Variants in RALY observed in about 807,000 individuals in gnomAD.
The protein encoded by RALY is RALY heterogeneous nuclear ribonucleoprotein, also known as RNA-binding protein Raly.
A neutral mutation model predicts 30.7 loss-of-function variants in RALY; 15 were observed. The observed-to-expected ratio is 0.49, with a 90% confidence interval of 0.33 to 0.75. The LOEUF is 0.75. Among genes scored for constraint, RALY ranks in the 30% least tolerant of loss-of-function variants. RALY has a pLI of 0.02. For synonymous variants in RALY, 177 were observed against 170.8 expected (o/e 1.04, Z -0.28); for missense variants, 339 against 414.3 (o/e 0.82, Z 1.58).
chr20:34,049,970 T>C (rs981126403), intron 2 of RALY, among the ~76,000 whole-genome samples: 1 of 152,298 alleles, frequency 6.6e-6, no homozygotes, highest in Middle Eastern at 3.4e-3. Flanking sequence ...CTAAGCTGAC[T>C]GGGGAGAAAG....
chr20:34,077,065 C>T lies in RALY; in HGVS notation c.696C>T (p.Gly232=), dbSNP rs1300909227. 15 of 1,604,056 alleles carry T rather than the reference C, an allele frequency of 9.4e-6. No homozygotes were observed. Among genetic ancestry groups the T allele is most frequent in the Admixed American group, 5.1e-5 (3 of 58,620 alleles). ...KKKGDGGGAG[G]GGGGGGSGGG... ...AGGGTGATGGAGGTGGCGCCGGCGG[C>T]GGCGGCGGTGGTGGTGGCAGCGGTG... is the stretch of plus-strand genomic sequence containing the variant. The change falls in exon 8 of 10, where the codon GGC becomes GGT. Residue 232 remains glycine, a synonymous_variant. Transcript: ENST00000246194.
intron 1 of RALY, among the ~76,000 whole-genome samples, chr20:34,002,058 C>T (rs1330792717): frequency 1.3e-5 from 2 of 152,198 alleles, no homozygotes; most frequent in East Asian, 1.9e-4. Context: ...TGAGCAGCCG[C>T]GCCTGACCAC....
chr20:34,069,447 A>G (rs1601503089), intron 2 of RALY, among the ~76,000 whole-genome samples: 1 of 151,860 alleles, frequency 6.6e-6, no homozygotes, highest in South Asian at 2.1e-4. Context: ...AGTAGAGGTC[A>G]CTCTTTGTAT....
intron 1 of RALY, chr20:34,016,671 T>C (rs1177399750): frequency 2.0e-5 from 3 of 152,272 alleles, no homozygotes; most frequent in Non-Finnish European, 4.4e-5. Context: ...ATCAGCTTTC[T>C]CCACTGAAAT....
intron 1 of RALY, among the ~76,000 whole-genome samples, chr20:33,999,805 A>C (rs1215923918): frequency 1.3e-5 from 2 of 151,828 alleles, no homozygotes; most frequent in Non-Finnish European, 2.9e-5. Flanking sequence ...GGTTTCTATT[A>C]GGGATAGGAG....
At chr20:34,015,620 T>A (rs1601415706) in intron 1 of RALY, among the ~76,000 whole-genome samples, 1 of 151,392 alleles carries the variant, frequency 6.6e-6, no homozygotes, top group African/African-American at 2.4e-5. Context: ...GTGCTGGGGG[T>A]GTCATTATCA....
chr20:34,043,767 CT>C (rs1040698556), intron 2 of RALY, among the ~76,000 whole-genome samples: 2 of 152,128 alleles, frequency 1.3e-5, no homozygotes, highest in African/African-American at 4.8e-5. Context: ...TTTGATAAAA[CT>C]TTGTGCTCGG....
intron 1 of RALY, among the ~76,000 whole-genome samples, chr20:34,004,961 G>A (rs2031093781): frequency 6.6e-6 from 1 of 152,180 alleles, no homozygotes; most frequent in Non-Finnish European, 1.5e-5. Flanking sequence ...CATTGATCAT[G>A]TCTTAGAGCC....
intron 2 of RALY, among the ~76,000 whole-genome samples, chr20:34,057,589 C>T (rs908762649): frequency 6.0e-5 from 9 of 150,114 alleles, no homozygotes; most frequent in African/African-American, 2.2e-4. Flanking sequence ...ATGGCATGAA[C>T]CTGGGAGGCG....
At chr20:34,025,523 C>G (rs767076501) in intron 1 of RALY, among the ~76,000 whole-genome samples, 1 of 151,936 alleles carries the variant, frequency 6.6e-6, no homozygotes, top group South Asian at 2.1e-4. Flanking sequence ...AGGCTGGTGT[C>G]GAACTCCTGA....
At chr20:34,032,470 G>A (rs2032320543) in intron 2 of RALY, among the ~76,000 whole-genome samples, 1 of 151,780 alleles carries the variant, frequency 6.6e-6, no homozygotes, top group Non-Finnish European at 1.5e-5. Flanking sequence ...AACTTACTAT[G>A]TTACTGATCT....
At chr20:34,017,515 G>A (rs1271188286) in intron 1 of RALY, 2 of 152,318 alleles carry the variant, frequency 1.3e-5, no homozygotes, top group Non-Finnish European at 2.9e-5. Context: ...GGTAAGGCAG[G>A]TGCAGGGGGT....
intron 1 of RALY, among the ~76,000 whole-genome samples, chr20:34,027,087 G>A (rs537592242): frequency 3.3e-5 from 5 of 152,130 alleles, no homozygotes; most frequent in African/African-American, 4.8e-5. Flanking sequence ...AGAAGACATA[G>A]CAGCAGTGAG....
intron 6 of RALY, 82 bp downstream of exon 6, chr20:34,076,122 C>A: frequency 6.8e-7 from 1 of 1,477,112 alleles, no homozygotes; most frequent in South Asian, 1.3e-5. Context: ...TACATTGGAA[C>A]ATAGATAAAA....
At chr20:34,022,092 T>A (rs1242906451) in intron 1 of RALY, among the ~76,000 whole-genome samples, 6 of 148,728 alleles carry the variant, frequency 4.0e-5, no homozygotes, top group Non-Finnish European at 7.4e-5. Flanking sequence ...CTTTCTTTCT[T>A]TCTTTTTTTT....
Position 34,075,979 on chromosome 20 carries a change from C to T in RALY, c.483C>T (p.Asn161=), listed in dbSNP as rs141301283. 16 of 1,614,136 alleles carry T rather than the reference C, an allele frequency of 9.9e-6. No individual in the cohort carries two copies. The highest frequency in any genetic ancestry group is 1.6e-4 in the Middle Eastern group (1 of 6,084). ...CTTTGGTCCGGCGTGTCAAAACTAA[C>T]GTACCTGTCAAGCTCTTTGCCCGCT... ...TVPLVRRVKT[N]VPVKLFARST... The change falls in exon 6 of 10, where the codon AAC becomes AAT. Residue 161 remains asparagine, a synonymous_variant. Transcript: ENST00000246194.
chr20:34,061,211 C>T (rs2033406151), intron 2 of RALY, among the ~76,000 whole-genome samples: 1 of 152,160 alleles, frequency 6.6e-6, no homozygotes, highest in South Asian at 2.1e-4. Context: ...CCTAGATTGT[C>T]TTCCCTTGCA....
intron 1 of RALY, among the ~76,000 whole-genome samples, chr20:34,010,530 C>A (rs1207511362): frequency 6.6e-6 from 1 of 152,172 alleles, no homozygotes; most frequent in Non-Finnish European, 1.5e-5. Flanking sequence ...AGCCACTGCA[C>A]CAGGCCTGAA....
chr20:34,077,008 C>T lies in RALY; in HGVS notation c.659-20C>T, dbSNP rs2033900191. 1.2e-6 allele frequency: 2 copies of T among 1,610,498 alleles called. No homozygotes were observed. Among genetic ancestry groups the T allele is most frequent in the African/African-American group, 1.3e-5 (1 of 74,822 alleles). On this transcript the variant is annotated intron_variant, in intron 7 of 9. Transcript: ENST00000246194. ...CCAGGCTGAGTTTTATTCTCCCCTC[C>T]TCCACCCCTTCCCCTCAAGATGGCA...
Sources: gnomAD v4.1 joint callset for allele counts (sites outside exome capture counted in the v4.1 genomes callset) on GRCh38, gnomAD v4.1.1 for gene constraint, MANE v1.5 for transcripts, NCBI Gene and HGNC (gene_info 2026-07-23, HGNC 2026-07-21) for gene names.